The following CDH3 variants were observed in gnomAD, a reference collection of about 807,000 sequenced individuals.
The protein encoded by CDH3 is cadherin-3.
CDH3 carries 54 observed loss-of-function variants against 82.0 expected under a neutral mutation model. That is an observed-to-expected ratio of 0.66 (90% confidence interval 0.53 to 0.83). CDH3 has a LOEUF of 0.83. CDH3 is among the 40% of genes least tolerant of loss of function. The pLI is 0.00. For missense variants in CDH3, 1,054 were observed against 1,084.6 expected, an observed-to-expected ratio of 0.97 and a Z score of 0.40; for synonymous variants, 446 against 437.9, an observed-to-expected ratio of 1.02 and a Z score of -0.23.
intron 2 of CDH3, among the ~76,000 whole-genome samples, chr16:68,659,412 A>G (rs529278141): frequency 6.6e-6 from 1 of 152,052 alleles, no homozygotes; most frequent in Admixed American, 6.6e-5. Context: ...TCTACAAAAA[A>G]TACAAAAATT....
intron 3 of CDH3, among the ~76,000 whole-genome samples, chr16:68,676,796 A>G (rs183860957): frequency 4.0e-4 from 61 of 152,286 alleles, no homozygotes; most frequent in African/African-American, 1.3e-3. Flanking sequence ...TGTTAACCCC[A>G]ACTGAAAGCA....
intron 2 of CDH3, among the ~76,000 whole-genome samples, chr16:68,654,427 G>A (rs1960350635): frequency 1.1e-5 from 1 of 94,944 alleles, no homozygotes; most frequent in Non-Finnish European, 1.9e-5. Context: ...TTGCGGCTGG[G>A]TGCGTTGGCT....
At chr16:68,695,626 G>C (rs1287927226) in intron 14 of CDH3, 151 bp from the exon 15 acceptor site, 2 of 1,016,234 alleles carry the variant, frequency 2.0e-6, no homozygotes, top group African/African-American at 1.6e-5. Context: ...TGGAAACGAG[G>C]GTTTTCCAAA....
intron 2 of CDH3, among the ~76,000 whole-genome samples, chr16:68,648,624 A>T (rs1960149383): frequency 6.6e-6 from 1 of 151,784 alleles, no homozygotes; most frequent in Non-Finnish European, 1.5e-5. Context: ...GCTAATTTTT[A>T]ATGTTTTCTA....
intron 2 of CDH3, among the ~76,000 whole-genome samples, chr16:68,646,499 C>T (rs1303314630): frequency 1.4e-5 from 2 of 144,468 alleles, no homozygotes; most frequent in African/African-American, 5.2e-5. Context: ...CTCAGTTACT[C>T]CTACCCCCCC....
rs766800242 is a variant in CDH3, at chr16:68,679,869, T to A, written c.762T>A (p.Ala254=). ...TCTACACCTACAATGGGGTGGTTGC[T>A]TACTCCATCCATAGCCAAGAACCAA... ...DAIYTYNGVV[A]YSIHSQEPKD... is the part of the protein sequence containing the mutation. The change falls in exon 7 of 16, where the codon GCT becomes GCA. Residue 254 remains alanine, a synonymous_variant. Transcript: ENST00000264012. 4 of 1,613,452 alleles carry A rather than the reference T, an allele frequency of 2.5e-6. No individual in the cohort carries two copies. In the Admixed American group the frequency reaches 5.0e-5, roughly 20 times the overall value.
chr16:68,690,181 T>G (rs1034932699), intron 12 of CDH3, among the ~76,000 whole-genome samples: 1 of 152,220 alleles, frequency 6.6e-6, no homozygotes, highest in South Asian at 2.1e-4. Context: ...GGAAGGCCAG[T>G]TAGCCCAATA....
intron 11 of CDH3, 44 bp downstream of exon 11, chr16:68,685,394 T>A (rs1445601784): frequency 3.7e-6 from 6 of 1,605,146 alleles, no homozygotes; most frequent in Non-Finnish European, 4.3e-6. Flanking sequence ...CACTTTTGGT[T>A]CTCAGGTCAC....
chr16:68,727,509 G>A (rs1323776858), downstream of CDH3, among the ~76,000 whole-genome samples: 3 of 152,000 alleles, frequency 2.0e-5, no homozygotes, highest in Non-Finnish European at 4.4e-5. Context: ...CTGTAAAATG[G>A]TCACGCCTGT....
chr16:68,668,616 G>A (rs559002259), intron 2 of CDH3, among the ~76,000 whole-genome samples: 21 of 152,168 alleles, frequency 1.4e-4, no homozygotes, highest in Admixed American at 6.6e-4. Flanking sequence ...GCTTCCTCTG[G>A]TAAACCACAG....
intron 2 of CDH3, among the ~76,000 whole-genome samples, chr16:68,665,748 A>C (rs1051844475): frequency 1.1e-4 from 16 of 152,068 alleles, no homozygotes; most frequent in African/African-American, 3.6e-4. Context: ...CCAAACTCTC[A>C]GAGTGCCTAG....
At chr16:68,688,052 A>G (rs1961465508) in intron 12 of CDH3, among the ~76,000 whole-genome samples, 1 of 150,956 alleles carries the variant, frequency 6.6e-6, no homozygotes, top group Non-Finnish European at 1.5e-5. Flanking sequence ...GTTGGCTACG[A>G]TCACTGTGCT....
chr16:68,716,469 A>G (rs1962095875), intron 1 of CDH3, among the ~76,000 whole-genome samples: 1 of 151,396 alleles, frequency 6.6e-6, no homozygotes, highest in Admixed American at 6.6e-5. Context: ...AAAAGATTAA[A>G]AATCAGCCAT....
At position 68,666,919 on chromosome 16, in the gene CDH3, TAAGC is replaced by T. The variant is rs150528747; in HGVS notation, c.161-9462_161-9459del. Among the ~76,000 whole-genome samples the T allele has an allele frequency of 4.6e-3, 693 of 152,218 alleles. 7 individuals carry two copies. The highest frequency in any genetic ancestry group is 0.016 in the African/African-American group (646 of 41,538). On this transcript the variant is annotated intron_variant, in intron 2 of 15. Coordinates refer to ENST00000264012, the MANE Select transcript of CDH3 (RefSeq NM_001793.6). ...ACCTTTTTTTGCTTTTTTTCCCTATTAAGCAAGTCACGAACATCCTGGCAGGTAT... is the reference window on the plus strand; with the variant it reads ...ACCTTTTTTTGCTTTTTTTCCCTATTAAGTCACGAACATCCTGGCAGGTAT...
In CDH3 at chr16:68,707,936, G is replaced by C. The variant is rs760059557; in HGVS notation, c.99+12013G>C. 6.6e-6 allele frequency among the ~76,000 whole-genome samples: 1 copy of C among 152,138 alleles called. No homozygotes were observed. The highest frequency in any genetic ancestry group is 6.5e-5 in the Admixed American group (1 of 15,274). ...CACTGTTGTCCATCCGGTAAACCAC[G>C]GCCAGCCCACAGCTGACAGGGCAGG... On this transcript the variant is annotated intron_variant, in intron 1 of 2. Transcript: ENST00000569080. This position sits in a 1 kb window ranked among gnomAD's most constrained non-coding sequence, Gnocchi z 4.5.
chr16:68,647,264 C>G (rs1371627176), intron 2 of CDH3, among the ~76,000 whole-genome samples: 4 of 126,740 alleles, frequency 3.2e-5, no homozygotes, highest in Admixed American at 8.8e-5. Flanking sequence ...CCCCTCCCCC[C>G]GCCCCATTGT....
At chr16:68,723,937 C>T (rs1025899296) in intron 2 of CDH3, among the ~76,000 whole-genome samples, 6 of 151,864 alleles carry the variant, frequency 4.0e-5, no homozygotes, top group East Asian at 1.9e-4. Flanking sequence ...GGCATAGTGG[C>T]GGGTGCCTGT....
intron 2 of CDH3, among the ~76,000 whole-genome samples, chr16:68,661,255 A>G (rs1438182586): frequency 6.6e-6 from 1 of 152,246 alleles, no homozygotes; most frequent in Admixed American, 6.5e-5. Context: ...TAATGTATAG[A>G]GTGCCTGAAT....
chr16:68,666,533 G>C (rs1960738909), intron 2 of CDH3, among the ~76,000 whole-genome samples: 1 of 152,016 alleles, frequency 6.6e-6, no homozygotes, highest in Admixed American at 6.6e-5. Context: ...ACCCCACTTT[G>C]CTGCCCTATG....
Sources: gnomAD v4.1 joint callset for allele counts (sites outside exome capture counted in the v4.1 genomes callset) on GRCh38, gnomAD v4.1.1 for gene constraint, Gnocchi (gnomAD v3.1) non-coding constraint, MANE v1.5 for transcripts, NCBI Gene and HGNC (gene_info 2026-07-23, HGNC 2026-07-21) for gene names.